The following ACSF3 variants were observed in gnomAD, a reference collection of about 807,000 sequenced individuals.
ACSF3 encodes the protein malonate--CoA ligase ACSF3, mitochondrial.
Under a neutral mutation model 53.2 loss-of-function variants are expected in ACSF3, and 78 were observed. That is an observed-to-expected ratio of 1.47 (90% CI 1.22 to 1.77). The LOEUF is 1.77. ACSF3 is among the 40% of genes most tolerant of loss of function. The probability of loss-of-function intolerance (pLI) is 0.00; values close to 1 mark genes in which losing one functional copy is unlikely to be tolerated. For missense variants in ACSF3, 937 were observed against 771.1 expected (o/e 1.22, Z -2.55); for synonymous variants, 414 against 333.1 (o/e 1.24, Z -2.65).
At chr16:89,135,100 A>G (rs527267989) in intron 8 of ACSF3, among the ~76,000 whole-genome samples, 2 of 96,650 alleles carry the variant, frequency 2.1e-5, no homozygotes, top group East Asian at 2.7e-4. Context: ...TGGCCTGTCT[A>G]TATTTTATGC....
intron 4 of ACSF3, among the ~76,000 whole-genome samples, chr16:89,104,826 C>T (rs947595654): frequency 6.6e-6 from 1 of 152,246 alleles, no homozygotes; most frequent in African/African-American, 2.4e-5. Context: ...GAGGCAAGGT[C>T]TCACAAGAGA....
At chr16:89,114,534 G>GC (rs772837659) in intron 6 of ACSF3, 47 bp downstream of exon 6, 29 of 1,602,930 alleles carry the variant, frequency 1.8e-5, no homozygotes, top group Non-Finnish European at 2.0e-5. Context: ...TGTGCTCTGA[G>GC]CCCCCCAAGG....
intron 4 of ACSF3, among the ~76,000 whole-genome samples, chr16:89,104,783 A>C (rs1475856845): frequency 1.3e-5 from 2 of 152,228 alleles, no homozygotes; most frequent in East Asian, 3.8e-4. Context: ...ACAAACTTGG[A>C]AAAGAGAAGG....
chr16:89,102,417 G>A, intron 3 of ACSF3, 187 bp from the exon 4 acceptor site: 1 of 678,312 alleles, frequency 1.5e-6, no homozygotes, highest in Non-Finnish European at 2.6e-6. Flanking sequence ...GAGTGACCCA[G>A]CAGATCTGCT....
intron 1 of ACSF3, among the ~76,000 whole-genome samples, chr16:89,096,118 G>C (rs190831170): frequency 6.6e-6 from 1 of 152,282 alleles, no homozygotes; most frequent in East Asian, 1.9e-4. Context: ...CTTCACCAAG[G>C]AGGCTGTCCT....
chr16:89,146,142 A>G, intron 10 of ACSF3, 93 bp downstream of exon 10: 1 of 920,806 alleles, frequency 1.1e-6, no homozygotes, highest in South Asian at 1.5e-5. Context: ...TCCGTCTTAG[A>G]GGTGGAGATG....
At chr16:89,118,238 G>A (rs565343422) in intron 6 of ACSF3, among the ~76,000 whole-genome samples, 6 of 152,200 alleles carry the variant, frequency 3.9e-5, no homozygotes, top group South Asian at 4.1e-4. Context: ...TCCCTGGGGC[G>A]CCGGGGACGC....
intron 8 of ACSF3, among the ~76,000 whole-genome samples, chr16:89,134,522 C>T (rs904747399): frequency 4.6e-5 from 7 of 152,038 alleles, no homozygotes; most frequent in Non-Finnish European, 8.8e-5. Flanking sequence ...TGGTGGACGG[C>T]GAGCGAAAGC....
intron 7 of ACSF3, among the ~76,000 whole-genome samples, chr16:89,130,949 G>A (rs1909150920): frequency 6.6e-6 from 1 of 151,880 alleles, no homozygotes; most frequent in Non-Finnish European, 1.5e-5. Flanking sequence ...AAGTTGTCAC[G>A]TTCGTTTCTT....
intron 7 of ACSF3, among the ~76,000 whole-genome samples, chr16:89,127,769 T>C (rs1261798978): frequency 6.6e-6 from 1 of 152,214 alleles, no homozygotes; most frequent in Non-Finnish European, 1.5e-5. Context: ...TTGGTACATA[T>C]CATTTTTGAG....
chr16:89,122,498 CT>C (rs148093859), intron 7 of ACSF3: 15,743 of 405,188 alleles, frequency 0.039, 467 homozygotes, highest in East Asian at 0.14. Context: ...CTTCCTGGCT[CT>C]CAAGTCTGTG....
intron 8 of ACSF3, chr16:89,141,005 T>C: frequency 1.7e-6 from 2 of 1,203,748 alleles, no homozygotes; most frequent in Non-Finnish European, 1.1e-6. Flanking sequence ...TCGATGCATT[T>C]TGATAAATAG....
intron 5 of ACSF3, chr16:89,114,002 G>A (rs1001862329): frequency 1.3e-5 from 5 of 380,940 alleles, no homozygotes; most frequent in East Asian, 1.3e-4. Flanking sequence ...GGTCACTGCT[G>A]TTCTTGAGCG....
Position 89,100,686 on chromosome 16 carries a change from T to A in ACSF3, c.5T>A (p.Leu2Gln). Residue 2 changes from leucine (L) to glutamine (Q), a missense_variant, in exon 3 of 11, where the codon CTG becomes CAG. Coordinates refer to ENST00000614302, the MANE Select transcript of ACSF3 (RefSeq NM_001243279.3). ...GCTCGGCCGCCTGTCAGTGCAATGC[T>A]GCCCCATGTGGTGCTCACCTTCCGG... MLPHVVLTFRRL... is the reference protein window; with the variant it reads MQPHVVLTFRRL... The A allele has an allele frequency of 6.3e-7, 1 of 1,598,016 alleles. No homozygotes were observed. The highest frequency in any genetic ancestry group is 8.5e-7 in the Non-Finnish European group (1 of 1,178,766).
At chr16:89,134,477 G>A (rs368248380) in intron 8 of ACSF3, among the ~76,000 whole-genome samples, 4 of 152,196 alleles carry the variant, frequency 2.6e-5, no homozygotes, top group South Asian at 4.1e-4. Context: ...AGGAATAGAA[G>A]TCAGCGGCGG....
At chr16:89,117,559 C>G (rs1287148861) in intron 6 of ACSF3, among the ~76,000 whole-genome samples, 1 of 151,674 alleles carries the variant, frequency 6.6e-6, no homozygotes, top group Non-Finnish European at 1.5e-5. Flanking sequence ...GCTGTCTACA[C>G]CGAGGATGTC....
At chr16:89,098,132 G>A (rs4782331) in intron 1 of ACSF3, among the ~76,000 whole-genome samples, 109,004 of 152,104 alleles carry the variant, frequency 0.72, 39,697 homozygotes, top group Non-Finnish European at 0.79. Context: ...AATCAAACAA[G>A]CAAAAACCAA....
chr16:89,107,679 A>T (rs539974955), intron 4 of ACSF3, among the ~76,000 whole-genome samples: 2 of 152,318 alleles, frequency 1.3e-5, no homozygotes, highest in Admixed American at 6.5e-5. Context: ...GTTGCTATGA[A>T]CATTCTCACA....
chr16:89,155,940 A>G lies in ACSF3; in HGVS notation c.*1733A>G, dbSNP rs778300771. 8 of 365,664 alleles carry G rather than the reference A, an allele frequency of 2.2e-5. No homozygotes were observed. The highest frequency in any genetic ancestry group is 3.7e-5 in the Non-Finnish European group (7 of 187,890). 22.7% of individuals were successfully genotyped at this position (365,664 alleles called of 1,614,324 possible). A position where few individuals can be genotyped will look rare whatever the true frequency, so the allele number is the denominator to read the frequency against. Reference sequence around the variant, plus strand: ...AAAGCCTGGAGCTCATTGACCAGAAACTGCAGAGAGCCTGGAGCTCGTTGA... The same window carrying G: ...AAAGCCTGGAGCTCATTGACCAGAAGCTGCAGAGAGCCTGGAGCTCGTTGA... On this transcript the variant is annotated 3_prime_UTR_variant, in exon 11 of 11. Coordinates refer to ENST00000614302, the MANE Select transcript of ACSF3 (RefSeq NM_001243279.3).
Sources: gnomAD v4.1 joint callset for allele counts (sites outside exome capture counted in the v4.1 genomes callset) on GRCh38, gnomAD v4.1.1 for gene constraint, MANE v1.5 for transcripts, NCBI Gene and HGNC (gene_info 2026-07-23, HGNC 2026-07-21) for gene names.